The following SGCZ variants were observed in gnomAD, a reference collection of about 807,000 sequenced individuals.
SGCZ encodes the protein sarcoglycan zeta, also known as zeta-sarcoglycan.
SGCZ carries 40 observed loss-of-function variants against 41.3 expected under a neutral mutation model. The observed-to-expected ratio is 0.97, with a 90% CI of 0.75 to 1.26. SGCZ has a LOEUF of 1.26. SGCZ is among the 50% of genes most tolerant of loss of function. The pLI is 0.00. For missense variants in SGCZ, 552 were observed against 369.8 expected (o/e 1.49, Z -4.04); for synonymous variants, 206 against 137.5 (o/e 1.50, Z -3.49).
intron 1 of SGCZ, among the ~76,000 whole-genome samples, chr8:15,106,892 CTGTTATA>C: frequency 6.6e-6 from 1 of 151,402 alleles, no homozygotes; most frequent in Middle Eastern, 3.4e-3. Context: ...TTCTCAACTT[CTGTTATA>C]GTCACCTTTT....
intron 1 of SGCZ, among the ~76,000 whole-genome samples, chr8:14,807,838 A>C (rs888505940): frequency 8.5e-5 from 13 of 152,234 alleles, no homozygotes; most frequent in African/African-American, 2.7e-4. Flanking sequence ...CTGTACTACA[A>C]GGCTACAGTA....
intron 1 of SGCZ, among the ~76,000 whole-genome samples, chr8:14,734,113 G>C (rs1333059994): frequency 6.6e-6 from 1 of 152,190 alleles, no homozygotes; most frequent in Non-Finnish European, 1.5e-5. Context: ...AGATCAAGAA[G>C]TCAGAGGAGG....
intron 2 of SGCZ, among the ~76,000 whole-genome samples, chr8:14,326,105 C>G (rs1349036896): frequency 1.9e-3 from 1 of 516 alleles, no homozygotes; most frequent in Non-Finnish European, 0.026. Flanking sequence ...GAGTGAGACT[C>G]CGTCTCAAAA....
At chr8:14,340,803 C>T (rs1238852360) in intron 2 of SGCZ, among the ~76,000 whole-genome samples, 1 of 151,978 alleles carries the variant, frequency 6.6e-6, no homozygotes, top group Non-Finnish European at 1.5e-5. Flanking sequence ...ATAAAATTAA[C>T]CATTTAAATA....
chr8:14,195,091 G>A (rs1190384897), intron 4 of SGCZ, among the ~76,000 whole-genome samples: 1 of 152,106 alleles, frequency 6.6e-6, no homozygotes, highest in African/African-American at 2.4e-5. Flanking sequence ...AACAGGAGCA[G>A]AAAAACATTA....
At chr8:14,950,766 G>A (rs573229108) in intron 1 of SGCZ, among the ~76,000 whole-genome samples, 16 of 152,004 alleles carry the variant, frequency 1.1e-4, no homozygotes, top group South Asian at 6.2e-4. Context: ...ATGAGGATAC[G>A]TAGTCTAAAA....
chr8:14,487,837 T>C (rs966649137), intron 2 of SGCZ: 1 of 151,226 alleles, frequency 6.6e-6, no homozygotes, highest in African/African-American at 2.4e-5. Context: ...GCTAGTGTTG[T>C]CTGTCTTATT....
intron 3 of SGCZ, chr8:14,309,498 G>A (rs1279972123): frequency 1.2e-6 from 2 of 1,608,376 alleles, no homozygotes; most frequent in Non-Finnish European, 1.7e-6. Context: ...AGAGCTAATT[G>A]TGATAAGAGA....
intron 1 of SGCZ, among the ~76,000 whole-genome samples, chr8:15,236,713 C>T (rs879485660): frequency 1.3e-5 from 2 of 152,104 alleles, no homozygotes; most frequent in Non-Finnish European, 2.9e-5. Flanking sequence ...GGCAGAGGTG[C>T]CCATAGGCAG....
intron 1 of SGCZ, among the ~76,000 whole-genome samples, chr8:14,599,728 C>T (rs923664410): frequency 6.6e-6 from 1 of 152,186 alleles, no homozygotes; most frequent in African/African-American, 2.4e-5. Context: ...ACAAACTCCT[C>T]TACTCTTTCT....
chr8:14,562,502 A>T (rs778044966), intron 1 of SGCZ, among the ~76,000 whole-genome samples: 43 of 152,226 alleles, frequency 2.8e-4, no homozygotes, highest in Non-Finnish European at 5.0e-4. Flanking sequence ...TATTACAAAT[A>T]TAATGGACAT....
At chr8:14,645,578 G>A (rs972055885) in intron 1 of SGCZ, among the ~76,000 whole-genome samples, 13 of 148,664 alleles carry the variant, frequency 8.7e-5, no homozygotes, top group African/African-American at 3.2e-4. Flanking sequence ...TAAATTCCTG[G>A]TATCCTCGAA....
chr8:14,556,721 C>T (rs943635735), intron 1 of SGCZ, among the ~76,000 whole-genome samples: 1 of 152,008 alleles, frequency 6.6e-6, no homozygotes, highest in East Asian at 1.9e-4. Flanking sequence ...ACTTTTACTT[C>T]ACTTAGAATA....
intron 3 of SGCZ, among the ~76,000 whole-genome samples, chr8:14,285,416 C>T (rs530439151): frequency 7.9e-5 from 12 of 152,192 alleles, no homozygotes; most frequent in African/African-American, 2.4e-4. Context: ...CTCAGCATAA[C>T]TCCTGAGCCT....
At chr8:14,893,634 C>G (rs1423857248) in intron 1 of SGCZ, among the ~76,000 whole-genome samples, 2 of 152,124 alleles carry the variant, frequency 1.3e-5, no homozygotes, top group East Asian at 3.9e-4. Context: ...ATAAATAATG[C>G]TGTCATTTAT....
At chr8:14,324,801 G>A (rs997072705) in intron 2 of SGCZ, among the ~76,000 whole-genome samples, 2 of 152,112 alleles carry the variant, frequency 1.3e-5, no homozygotes, top group Non-Finnish European at 1.5e-5. Flanking sequence ...ACTAAACAGA[G>A]TGCTACTGGG....
At chr8:14,695,479 T>C (rs1808929130) in intron 1 of SGCZ, among the ~76,000 whole-genome samples, 1 of 152,168 alleles carries the variant, frequency 6.6e-6, no homozygotes, top group South Asian at 2.1e-4. Context: ...ACATCTATTA[T>C]GGCAGGATGG....
intron 4 of SGCZ, among the ~76,000 whole-genome samples, chr8:14,180,709 G>A (rs1804694382): frequency 6.6e-6 from 1 of 151,938 alleles, no homozygotes; most frequent in Non-Finnish European, 1.5e-5. Flanking sequence ...GGTTTGTCAT[G>A]GCCTTTAAAA....
At chr8:14,594,337 T>G (rs6530789) in intron 1 of SGCZ, among the ~76,000 whole-genome samples, 81,077 of 151,680 alleles carry the variant, frequency 0.53, 22,151 homozygotes, top group Non-Finnish European at 0.61. Context: ...CTGGTCCAGG[T>G]ACCTAACCTT....
Sources: gnomAD v4.1 joint callset for allele counts (sites outside exome capture counted in the v4.1 genomes callset) on GRCh38, gnomAD v4.1.1 for gene constraint, MANE v1.5 for transcripts, NCBI Gene and HGNC (gene_info 2026-07-23, HGNC 2026-07-21) for gene names.